Variants in CDH12 observed in about 807,000 individuals in gnomAD.
The protein encoded by CDH12 is cadherin-12.
CDH12 carries 41 observed loss-of-function variants against 74.1 expected under a neutral mutation model. The ratio of observed to expected loss-of-function variants is 0.55; its 90% CI spans 0.43 to 0.72. CDH12 has a LOEUF of 0.72. Ranked by LOEUF, CDH12 falls within the 30% of genes least tolerant of loss-of-function variation. The pLI is 0.00. For synonymous variants in CDH12, 399 were observed against 355.0 expected (o/e 1.12, Z -1.39); for missense variants, 945 against 977.2 (o/e 0.97, Z 0.44).
rs543608245 is a variant in CDH12 at position 22,074,751 on chromosome 5, C to T, written c.231+3695G>A. On this transcript the variant is annotated intron_variant, in intron 5 of 14. Transcript: ENST00000382254. ...CCATCAGAGAAATGCAAATCAAAAC[C>T]ACAATGAGATACCATCTCACACCAG... Among the ~76,000 whole-genome samples, 893 of 152,186 alleles carry T rather than the reference C, an allele frequency of 5.9e-3. 7 individuals carry two copies. The highest frequency in any genetic ancestry group is 0.018 in the African/African-American group (759 of 41,512).
At chr5:22,495,851 G>A (rs1443016069) in intron 2 of CDH12, among the ~76,000 whole-genome samples, 1 of 152,130 alleles carries the variant, frequency 6.6e-6, no homozygotes, top group African/African-American at 2.4e-5. Flanking sequence ...CATGAATTTT[G>A]ACATCGGGGA....
intron 2 of CDH12, among the ~76,000 whole-genome samples, chr5:22,423,622 C>A (rs533098361): frequency 1.8e-4 from 28 of 151,868 alleles, no homozygotes; most frequent in African/African-American, 6.3e-4. Context: ...CAACAGAATT[C>A]AAAAAGCCAA....
At chr5:21,985,700 C>G (rs1757484826) in intron 5 of CDH12, among the ~76,000 whole-genome samples, 1 of 152,076 alleles carries the variant, frequency 6.6e-6, no homozygotes. Context: ...TAGATTCTTC[C>G]TGGTAAACTT....
chr5:22,664,240 C>T (rs966692887), intron 1 of CDH12, among the ~76,000 whole-genome samples: 1 of 152,128 alleles, frequency 6.6e-6, no homozygotes, highest in African/African-American at 2.4e-5. Flanking sequence ...CATCTGAATA[C>T]TGTTATACAG....
intron 4 of CDH12, among the ~76,000 whole-genome samples, chr5:22,082,265 T>C (rs1005936388): frequency 6.6e-6 from 1 of 152,190 alleles, no homozygotes; most frequent in Non-Finnish European, 1.5e-5. Flanking sequence ...GTAGAGAACT[T>C]TCACCTTTTC....
At chr5:21,916,132 A>T (rs1754082677) in intron 6 of CDH12, among the ~76,000 whole-genome samples, 1 of 152,094 alleles carries the variant, frequency 6.6e-6, no homozygotes. Flanking sequence ...CCCTAAGACA[A>T]TTATAATAAT....
At chr5:21,853,026 C>G (rs910605656) in intron 7 of CDH12, among the ~76,000 whole-genome samples, 1 of 151,304 alleles carries the variant, frequency 6.6e-6, no homozygotes, top group Non-Finnish European at 1.5e-5. Flanking sequence ...TTCTTAATTC[C>G]TCCGGAACAC....
At chr5:22,779,534 A>G (rs1297227502) in intron 1 of CDH12, among the ~76,000 whole-genome samples, 3 of 152,184 alleles carry the variant, frequency 2.0e-5, no homozygotes, top group Non-Finnish European at 4.4e-5. Flanking sequence ...CTGTGTCCCC[A>G]ACCAAATCTC....
intron 1 of CDH12, among the ~76,000 whole-genome samples, chr5:22,622,747 G>A: frequency 6.6e-6 from 1 of 152,156 alleles, no homozygotes; most frequent in East Asian, 1.9e-4. Context: ...GAGGTACAAG[G>A]AGGAGTTGGT....
chr5:22,622,009 T>C lies in CDH12; in HGVS notation c.-522-116645A>G, dbSNP rs139262525. On this transcript the variant is annotated intron_variant, in intron 1 of 14. Coordinates refer to ENST00000382254, the MANE Select transcript of CDH12 (RefSeq NM_004061.5). ...TCCCCTAGTCATTAGCTGTGTTAGGTTTAAAAATAAAAATTGATACACATT... is the reference window on the plus strand; with the variant it reads ...TCCCCTAGTCATTAGCTGTGTTAGGCTTAAAAATAAAAATTGATACACATT... 3.6e-3 allele frequency among the ~76,000 whole-genome samples: 550 copies of C among 152,142 alleles called. 1 individual carries two copies. The highest frequency in any genetic ancestry group is 0.01 in the African/African-American group (424 of 41,544).
At chr5:22,432,716 A>AATATG (rs1186588907) in intron 2 of CDH12, among the ~76,000 whole-genome samples, 2 of 152,144 alleles carry the variant, frequency 1.3e-5, no homozygotes, top group African/African-American at 4.8e-5. Context: ...CACAAAGTCT[A>AATATG]AAGCTCACTT....
chr5:22,160,229 T>C (rs1027819324), intron 4 of CDH12, among the ~76,000 whole-genome samples: 3 of 152,298 alleles, frequency 2.0e-5, no homozygotes, highest in East Asian at 1.9e-4. Flanking sequence ...GCTTTTCTCC[T>C]TTTTTTCTTT....
At chr5:22,659,842 A>G (rs1230199364) in intron 1 of CDH12, among the ~76,000 whole-genome samples, 1 of 152,150 alleles carries the variant, frequency 6.6e-6, no homozygotes, top group Non-Finnish European at 1.5e-5. Flanking sequence ...AAGTATTTCA[A>G]TGAATTTTCT....
intron 4 of CDH12, among the ~76,000 whole-genome samples, chr5:22,202,173 T>C (rs1298313551): frequency 1.5e-5 from 2 of 132,028 alleles, no homozygotes; most frequent in African/African-American, 6.0e-5. Context: ...CTTCCTCCCT[T>C]CCTTCCTTCC....
intron 10 of CDH12, among the ~76,000 whole-genome samples, chr5:21,784,266 G>A (rs914330730): frequency 4.0e-5 from 6 of 151,886 alleles, no homozygotes; most frequent in Non-Finnish European, 7.4e-5. Flanking sequence ...TATATGGATC[G>A]GCATTATGTG....
At chr5:21,945,425 G>GAAAAAA (rs1561318885) in intron 6 of CDH12, among the ~76,000 whole-genome samples, 1 of 2,628 alleles carries the variant, frequency 3.8e-4, no homozygotes, top group African/African-American at 1.3e-3. Context: ...GACTGTTTCA[G>GAAAAAA]ACAAAAAAAA....
At chr5:22,452,113 T>C (rs1745068504) in intron 2 of CDH12, among the ~76,000 whole-genome samples, 1 of 151,874 alleles carries the variant, frequency 6.6e-6, no homozygotes, top group Admixed American at 6.6e-5. Context: ...GTTTATAAAC[T>C]GGAAGAATTA....
At chr5:21,790,988 C>T (rs1746464231) in intron 10 of CDH12, among the ~76,000 whole-genome samples, 1 of 152,016 alleles carries the variant, frequency 6.6e-6, no homozygotes, top group Admixed American at 6.6e-5. Flanking sequence ...TTTTTTATCT[C>T]TGTCACCTTG....
At chr5:22,710,814 C>T (rs1743247891) in intron 1 of CDH12, among the ~76,000 whole-genome samples, 1 of 151,986 alleles carries the variant, frequency 6.6e-6, no homozygotes, top group Non-Finnish European at 1.5e-5. Context: ...TATCTAGATT[C>T]TGCAGCTTAA....
Sources: allele counts gnomAD v4.1 joint callset (sites outside exome capture counted in the v4.1 genomes callset), GRCh38; gene constraint gnomAD v4.1.1; transcripts MANE v1.5; gene names NCBI Gene and HGNC (gene_info 2026-07-23, HGNC 2026-07-21).